Variants in PLXNA2 observed in about 807,000 individuals in gnomAD.
PLXNA2 encodes the protein plexin-A2.
Under a neutral mutation model 193.5 loss-of-function variants are expected in PLXNA2, and 91 were observed. The observed-to-expected ratio is 0.47, with a 90% CI of 0.40 to 0.56. The LOEUF (loss-of-function observed/expected upper bound fraction) is 0.56. PLXNA2 is among the 20% of genes least tolerant of loss of function. PLXNA2 has a pLI of 0.00. For missense variants in PLXNA2, 1,995 were observed against 2,503.2 expected, an observed-to-expected ratio of 0.80 and a Z score of 4.33; for synonymous variants, 997 against 1,027.3, an observed-to-expected ratio of 0.97 and a Z score of 0.56.
At chr1:208,118,838 C>G (rs1160147742) in intron 4 of PLXNA2, among the ~76,000 whole-genome samples, 10 of 151,802 alleles carry the variant, frequency 6.6e-5, no homozygotes. Flanking sequence ...TTGGTGCATG[C>G]CGGGTCCGGT....
chr1:208,082,740 A>T lies in PLXNA2; in HGVS notation c.2299-232T>A, dbSNP rs1666388003. Among the ~76,000 whole-genome samples the T allele has an allele frequency of 6.6e-6, 1 of 152,182 alleles. No individual in the cohort carries two copies. The highest frequency in any genetic ancestry group is 2.4e-5 in the African/African-American group (1 of 41,450). Reference sequence around the variant, plus strand: ...TCTCCTCCACTGCTCTCCCGTGGAAAGCTTTGAATCTACCTTTCTCCAAAC... The same window carrying T: ...TCTCCTCCACTGCTCTCCCGTGGAATGCTTTGAATCTACCTTTCTCCAAAC... On this transcript the variant is annotated intron_variant, in intron 10 of 31. Transcript: ENST00000367033. This position sits in a 1 kb window ranked among gnomAD's most constrained non-coding sequence, Gnocchi z 4.2.
chr1:208,163,305 T>C (rs1669192298), intron 3 of PLXNA2, among the ~76,000 whole-genome samples: 1 of 152,074 alleles, frequency 6.6e-6, no homozygotes. Context: ...ATAAAAAATG[T>C]GAAAGCTAAC....
intron 4 of PLXNA2, among the ~76,000 whole-genome samples, chr1:208,121,059 A>G (rs1667793439): frequency 6.6e-6 from 1 of 152,194 alleles, no homozygotes; most frequent in South Asian, 2.1e-4. Flanking sequence ...TAGACGCTTA[A>G]TAACCGAAAA....
At chr1:208,178,058 A>G (rs1247790918) in intron 3 of PLXNA2, among the ~76,000 whole-genome samples, 2 of 152,202 alleles carry the variant, frequency 1.3e-5, no homozygotes, top group Non-Finnish European at 2.9e-5. Flanking sequence ...TGTGCAATGC[A>G]TTTAGCACAG....
At position 208,045,892 on chromosome 1, in the gene PLXNA2, G is replaced by C; in HGVS notation, c.3481C>G (p.Pro1161Ala). The C allele has an allele frequency of 6.2e-7, 1 of 1,614,246 alleles. No individual in the cohort carries two copies. Among genetic ancestry groups the C allele is most frequent in the Non-Finnish European group, 8.5e-7 (1 of 1,180,032 alleles). ...GGCACTCCTACCTTCAGAATGATGG[G>C]CGATCCTGGCTTTTGATCCAAGACT... ...TGVLDQKPGS[P>A]IILKGKNLCP... Residue 1161 changes from proline to alanine, a missense_variant, in exon 18 of 32, where the codon CCC (proline) becomes GCC (alanine). Pro to Ala is a conservative substitution (Grantham distance 27). Transcript: ENST00000367033.
chr1:208,216,649 G>A (rs1475866461), intron 2 of PLXNA2, 86 bp downstream of exon 2: 19 of 1,452,806 alleles, frequency 1.3e-5, no homozygotes, highest in Non-Finnish European at 1.8e-5. Context: ...ATGGTGGTGT[G>A]GGAGCAGATG....
In PLXNA2 at chr1:208,237,040, G is replaced by A. The variant is rs186342216; in HGVS notation, c.-81+6603C>T. Among the ~76,000 whole-genome samples the A allele has an allele frequency of 1.0e-3, 154 of 152,282 alleles. 5 individuals are homozygous for A. The South Asian group carries it at 0.025, about 25-fold the overall frequency. ...AGACAGCCTTTGAGTTGAAATCTTCGTCCTTCTAACCTTTCTCCATTAGCA... is the reference window on the plus strand; with the variant it reads ...AGACAGCCTTTGAGTTGAAATCTTCATCCTTCTAACCTTTCTCCATTAGCA... On this transcript the variant is annotated intron_variant, in intron 1 of 31. Coordinates refer to ENST00000367033, the MANE Select transcript of PLXNA2 (RefSeq NM_025179.4).
chr1:208,226,552 AC>A (rs1671517241), intron 1 of PLXNA2, among the ~76,000 whole-genome samples: 1 of 152,140 alleles, frequency 6.6e-6, no homozygotes, highest in Admixed American at 6.5e-5. Context: ...TTTCTGGGGC[AC>A]TGGCTGAGCT....
intron 4 of PLXNA2, among the ~76,000 whole-genome samples, chr1:208,131,339 G>A (rs1049408783): frequency 2.0e-5 from 3 of 152,204 alleles, no homozygotes; most frequent in African/African-American, 7.2e-5. Flanking sequence ...CGGCTCCTCT[G>A]ATGTTGCCAT....
intron 26 of PLXNA2, among the ~76,000 whole-genome samples, chr1:208,037,558 A>C (rs971259832): frequency 1.3e-5 from 2 of 151,930 alleles, no homozygotes; most frequent in Admixed American, 6.6e-5. Flanking sequence ...AGTTGGTTTA[A>C]TTTCCCTTGG....
chr1:208,180,851 T>G (rs1364954249), intron 3 of PLXNA2, among the ~76,000 whole-genome samples: 1 of 152,118 alleles, frequency 6.6e-6, no homozygotes, highest in Non-Finnish European at 1.5e-5. Flanking sequence ...AAAAGGACTG[T>G]GATGAGGGAA....
chr1:208,125,298 G>C (rs1667939734), intron 4 of PLXNA2, among the ~76,000 whole-genome samples: 1 of 152,182 alleles, frequency 6.6e-6, no homozygotes, highest in Admixed American at 6.5e-5. Context: ...GGAGCAGTTT[G>C]GACTTCCCAT....
rs765503632 is a variant in PLXNA2 at position 208,051,279 on chromosome 1, G to C, written c.3138C>G (p.Ile1046Met). The change falls in exon 16 of 32, where the codon ATC (isoleucine) becomes ATG (methionine). Residue 1046 changes from isoleucine to methionine, a missense_variant. Ile to Met is a conservative substitution (Grantham distance 10). This residue lies in a region of PLXNA2 where 1,291 missense variants were observed against 1,673.6 expected (regional missense o/e 0.77). Transcript: ENST00000367033. ...EYIDDPRVQR[I>M]EPEWSIASGH... ...ACCTGGCAATGCTCCACTCTGGCTCGATGCGCTGGACCCGAGGGTCATCTA... is the reference window on the plus strand; with the variant it reads ...ACCTGGCAATGCTCCACTCTGGCTCCATGCGCTGGACCCGAGGGTCATCTA... 1 of 1,611,250 alleles carries C rather than the reference G, an allele frequency of 6.2e-7. No homozygotes were observed. The highest frequency in any genetic ancestry group is 1.1e-5 in the South Asian group (1 of 90,688).
In PLXNA2 at chr1:208,028,213, T is replaced by C. The variant is rs1175937585; in HGVS notation, c.5439-54A>G. Reference sequence around the variant, plus strand: ...GGAGGCCTCAGCAAACATTTACCTATAGCTACCCCGGGCCCAGGTCCTTCG... The same window carrying C: ...GGAGGCCTCAGCAAACATTTACCTACAGCTACCCCGGGCCCAGGTCCTTCG... On this transcript the variant is annotated intron_variant, in intron 30 of 31. Transcript: ENST00000367033. This position sits in a 1 kb window ranked among gnomAD's most constrained non-coding sequence, Gnocchi z 4.2. 7 of 1,525,604 alleles carry C rather than the reference T, an allele frequency of 4.6e-6. No homozygotes were observed. Among genetic ancestry groups the C allele is most frequent in the Non-Finnish European group, 5.3e-6 (6 of 1,130,176 alleles). 94.5% of individuals were successfully genotyped at this position (1,525,604 alleles called of 1,614,324 possible). A position where few individuals can be genotyped will look rare whatever the true frequency, so the allele number is the denominator to read the frequency against.
intron 1 of PLXNA2, among the ~76,000 whole-genome samples, chr1:208,238,504 T>C (rs561913702): frequency 6.6e-6 from 1 of 152,322 alleles, no homozygotes; most frequent in South Asian, 2.1e-4. Context: ...CTAAGCTCTC[T>C]GGTCTCCTGC....
chr1:208,234,188 A>T (rs1158291734), intron 1 of PLXNA2, among the ~76,000 whole-genome samples: 1 of 152,130 alleles, frequency 6.6e-6, no homozygotes, highest in Non-Finnish European at 1.5e-5. Context: ...AGTGAATGGC[A>T]GCTTGCTGTG....
In PLXNA2 at chr1:208,031,709, A is replaced by G. The variant is rs56168065; in HGVS notation, c.5106T>C (p.Thr1702=). The change falls in exon 29 of 32, where the codon ACT becomes ACC. Residue 1702 remains threonine, a synonymous_variant. Coordinates refer to ENST00000367033, the MANE Select transcript of PLXNA2 (RefSeq NM_025179.4). ...VDDLFETLFS[T]VHRGSALPLA... ...GGGGGAGAGCGCTGCCCCGGTGCAC[A>G]GTGCTGAACAAGGTCTCAAACAAGT... The G allele has an allele frequency of 1.5e-5, 24 of 1,613,280 alleles. No homozygotes were observed. The highest frequency in any genetic ancestry group is 1.9e-5 in the Non-Finnish European group (23 of 1,179,756).
chr1:208,218,033 A>C, intron 1 of PLXNA2, 31 bp from the exon 2 acceptor site: 1 of 1,532,270 alleles, frequency 6.5e-7, no homozygotes, highest in Non-Finnish European at 8.7e-7. Flanking sequence ...TGGTCAGACC[A>C]AAAATAATTT....
intron 3 of PLXNA2, among the ~76,000 whole-genome samples, chr1:208,204,003 C>G (rs1003721361): frequency 1.1e-4 from 16 of 152,084 alleles, no homozygotes; most frequent in African/African-American, 3.9e-4. Context: ...ATCGTTTGTG[C>G]GATTACAAAG....
Sources: gnomAD v4.1 joint callset for allele counts (sites outside exome capture counted in the v4.1 genomes callset) on GRCh38, gnomAD v4.1.1 for gene constraint, gnomAD v4.1.1 regional missense constraint, Gnocchi (gnomAD v3.1) non-coding constraint, MANE v1.5 for transcripts, NCBI Gene and HGNC (gene_info 2026-07-23, HGNC 2026-07-21) for gene names.